MEGF6: variants seen among roughly 807,000 people sequenced by gnomAD.
MEGF6 encodes the protein multiple EGF like domains 6.
In MEGF6, 184 loss-of-function variants were observed where a neutral mutation model predicts 207.1. The observed-to-expected ratio is 0.89, with a 90% CI of 0.79 to 1.00. MEGF6 has a LOEUF of 1.00. Ranked by LOEUF, MEGF6 falls within the 50% of genes least tolerant of loss-of-function variation. The probability of loss-of-function intolerance (pLI) is 0.00; values close to 1 mark genes in which losing one functional copy is unlikely to be tolerated. For synonymous variants in MEGF6, 1,038 were observed against 910.0 expected (o/e 1.14, Z -2.53); for missense variants, 2,282 against 2,202.9 (o/e 1.04, Z -0.72).
intron 3 of MEGF6, among the ~76,000 whole-genome samples, chr1:3,583,870 G>GCAGCCACCAGACAACGCA (rs1557795285): frequency 0.35 from 5,157 of 14,710 alleles, 862 homozygotes; most frequent in Middle Eastern, 0.45. Context: ...CAGACAACGC[G>GCAGCCACCAGACAACGCA]CAGCCACCAG....
At position 3,523,150 on chromosome 1, in the gene MEGF6, G is replaced by A. The variant is rs139314418; in HGVS notation, c.604+974C>T. Among the ~76,000 whole-genome samples the A allele has an allele frequency of 3.5e-4, 54 of 152,182 alleles. No homozygotes were observed. The East Asian group carries it at 8.5e-3, about 24-fold the overall frequency. ...ACCGGGAGGGAGGCTGCTCAGAGCC[G>A]GCTTGGGCCCTGCTCCGGGCCTCCA... is the stretch of plus-strand genomic sequence containing the variant. On this transcript the variant is annotated intron_variant, in intron 5 of 36. Coordinates refer to ENST00000356575, the MANE Select transcript of MEGF6 (RefSeq NM_001409.4).
chr1:3,587,907 C>A (rs749890983), intron 3 of MEGF6, among the ~76,000 whole-genome samples: 1 of 63,398 alleles, frequency 1.6e-5, no homozygotes, highest in African/African-American at 6.4e-5. Context: ...CAGGAGTGGC[C>A]AGGAGGGGGC....
In MEGF6 at chr1:3,531,462, C is replaced by T. The variant is rs1256108647; in HGVS notation, c.482-7216G>A. On this transcript the variant is annotated intron_variant, in intron 4 of 36. Transcript: ENST00000356575. ...CTTTAAGTTCTCAGCTTTCCCTCCG[C>T]CCCGCAGGTAAAGGCCAAGTCCGCA... 1.4e-5 allele frequency: 15 copies of T among 1,093,612 alleles called. No homozygotes were observed. The African/African-American group carries it at 2.5e-4, about 18-fold the overall frequency. The allele number at this position is 1,093,612 out of a possible 1,614,324, so 67.7% of individuals were successfully genotyped here.
chr1:3,598,727 C>CAA (rs755770598), intron 2 of MEGF6, among the ~76,000 whole-genome samples: 1,621 of 147,680 alleles, frequency 0.011, 34 homozygotes, highest in Non-Finnish European at 0.018. Flanking sequence ...CCCCCCCCCC[C>CAA]CCCCGGGGCC....
At chr1:3,510,334 C>T (rs1641292506) in intron 10 of MEGF6, among the ~76,000 whole-genome samples, 1 of 152,108 alleles carries the variant, frequency 6.6e-6, no homozygotes, top group Non-Finnish European at 1.5e-5. Context: ...GCCCTCCAGG[C>T]AGCAGGCACT....
At chr1:3,544,235 C>A (rs115013656) in intron 4 of MEGF6, among the ~76,000 whole-genome samples, 3,129 of 150,984 alleles carry the variant, frequency 0.021, 53 homozygotes, top group Non-Finnish European at 0.033. Flanking sequence ...ACCCTCTCCC[C>A]CCAGCATCGC....
chr1:3,531,170 C>G (rs968967052), intron 4 of MEGF6: 13 of 1,523,658 alleles, frequency 8.5e-6, no homozygotes, highest in Non-Finnish European at 1.1e-5. Context: ...TAGTGCGTGC[C>G]CGCGACGCGC....
chr1:3,530,601 G>T (rs79435356), intron 4 of MEGF6, among the ~76,000 whole-genome samples: 1 of 152,174 alleles, frequency 6.6e-6, no homozygotes, highest in South Asian at 2.1e-4. Context: ...CAGGCCACCA[G>T]GGTTCTCAGC....
chr1:3,573,323 C>A lies in MEGF6; in HGVS notation c.481+6502G>T, dbSNP rs1643560618. The stretch of plus-strand genomic sequence containing the variant: ...GGGCATGCTAGGATCATTTCTCACA[C>A]CAGACACAAAAAGCCTCCCCCAGGG... On this transcript the variant is annotated intron_variant, in intron 4 of 36. Coordinates refer to ENST00000356575, the MANE Select transcript of MEGF6 (RefSeq NM_001409.4). The surrounding 1 kb of genome is among the most constrained non-coding windows in gnomAD (Gnocchi z 5.1). 6.6e-6 allele frequency among the ~76,000 whole-genome samples: 1 copy of A among 152,194 alleles called. No homozygotes were observed. Among genetic ancestry groups the A allele is most frequent in the Non-Finnish European group, 1.5e-5 (1 of 68,012 alleles).
intron 17 of MEGF6, among the ~76,000 whole-genome samples, chr1:3,502,908 C>T (rs964522519): frequency 1.4e-4 from 21 of 152,184 alleles, no homozygotes; most frequent in Non-Finnish European, 2.9e-4. Flanking sequence ...CCCAGCGAGG[C>T]GCAGCCACTC....
the MEGF6 span, among the ~76,000 whole-genome samples, chr1:3,621,209 G>A: frequency 6.6e-6 from 1 of 152,186 alleles, no homozygotes. Flanking sequence ...TGGGGAAAGG[G>A]AGACTCCTTT....
At chr1:3,557,020 G>A (rs955843209) in intron 4 of MEGF6, among the ~76,000 whole-genome samples, 2 of 152,148 alleles carry the variant, frequency 1.3e-5, no homozygotes, top group Non-Finnish European at 2.9e-5. Context: ...AGGGAAGGTC[G>A]GAGTCAGAGA....
chr1:3,585,096 G>A (rs143481596), intron 3 of MEGF6, among the ~76,000 whole-genome samples: 1 of 151,586 alleles, frequency 6.6e-6, no homozygotes, highest in Non-Finnish European at 1.5e-5. Context: ...GAGGACACAT[G>A]TCCTGTGTGA....
Position 3,501,777 on chromosome 1 carries a change from G to A in MEGF6, c.2314+19C>T, listed in dbSNP as rs576927822. 6.2e-7 allele frequency: 1 copy of A among 1,608,974 alleles called. No individual in the cohort carries two copies. Among genetic ancestry groups the A allele is most frequent in the East Asian group, 2.2e-5 (1 of 44,738 alleles). The stretch of plus-strand genomic sequence containing the variant: ...GTGCAGCCTGGGGAGGCGGAACTGG[G>A]GCTGCGGCTGACACTCACCTGCCTC... On this transcript the variant is annotated intron_variant, in intron 18 of 36. Transcript: ENST00000356575.
At chr1:3,540,889 G>C (rs994339042) in intron 4 of MEGF6, among the ~76,000 whole-genome samples, 3 of 152,240 alleles carry the variant, frequency 2.0e-5, no homozygotes, top group Non-Finnish European at 4.4e-5. Context: ...CCGACATTCA[G>C]GTCGCGGCAC....
At chr1:3,613,750 C>T (rs572062185), upstream of MEGF6, among the ~76,000 whole-genome samples, 1 of 152,304 alleles carries the variant, frequency 6.6e-6, no homozygotes, top group East Asian at 1.9e-4. Context: ...TACAAAAATA[C>T]TCGGCCTCGT....
chr1:3,585,204 TGTGA>T lies in MEGF6; in HGVS notation c.377-5279_377-5276del, dbSNP rs543467275. ...GGGTGTGAGTGACACATGTCCTATG[TGTGA>T]GTATGAGTGAGGACACTTGTCCTGT... On this transcript the variant is annotated intron_variant, in intron 3 of 36. Coordinates refer to ENST00000356575, the MANE Select transcript of MEGF6 (RefSeq NM_001409.4). Among the ~76,000 whole-genome samples, 128 of 139,218 alleles carry T rather than the reference TGTGA, an allele frequency of 9.2e-4. 2 individuals are homozygous for T. Among genetic ancestry groups the T allele is most frequent in the African/African-American group, 3.0e-3 (113 of 37,386 alleles). 91.3% of individuals were successfully genotyped at this position (139,218 alleles called of 152,430 possible).
chr1:3,613,231 T>G (rs1261852733), upstream of MEGF6, among the ~76,000 whole-genome samples: 1 of 152,174 alleles, frequency 6.6e-6, no homozygotes, highest in African/African-American at 2.4e-5. Flanking sequence ...TCCCGGGATC[T>G]CGGCTGCAGG....
intron 30 of MEGF6, among the ~76,000 whole-genome samples, chr1:3,495,403 G>A (rs1489217661): frequency 2.0e-5 from 3 of 152,296 alleles, no homozygotes; most frequent in Admixed American, 2.0e-4. Flanking sequence ...GGGCCTGTCT[G>A]AGCAGGAGCC....
Sources: gnomAD v4.1 joint callset for allele counts (sites outside exome capture counted in the v4.1 genomes callset) on GRCh38, gnomAD v4.1.1 for gene constraint, Gnocchi (gnomAD v3.1) non-coding constraint, MANE v1.5 for transcripts, NCBI Gene and HGNC (gene_info 2026-07-23, HGNC 2026-07-21) for gene names.